WNT3A: variants seen among roughly 807,000 people sequenced by gnomAD.
WNT3A encodes the protein protein Wnt-3a.
A neutral mutation model predicts 37.0 loss-of-function variants in WNT3A; 17 were observed. The observed-to-expected ratio is 0.46, with a 90% CI of 0.31 to 0.69. The LOEUF (loss-of-function observed/expected upper bound fraction) is 0.69, where lower values mean the gene tolerates loss of function less well. Ranked by LOEUF, WNT3A falls within the 30% of genes least tolerant of loss-of-function variation. The pLI, the probability that WNT3A is intolerant of heterozygous loss-of-function variation, is 0.05. For synonymous variants in WNT3A, 187 were observed against 211.0 expected (o/e 0.89, Z 0.99); for missense variants, 411 against 510.2 (o/e 0.81, Z 1.87).
chr1:228,007,007 C>T lies in WNT3A; in HGVS notation c.-122C>T, dbSNP rs1428169394. On this transcript the variant is annotated 5_prime_UTR_variant, in exon 1 of 4. Transcript: ENST00000284523. This position sits in a 1 kb window ranked among gnomAD's most constrained non-coding sequence, Gnocchi z 6.0. ...GCCGCCCTCGGAGCCCGCGCACACC[C>T]GCGCACCCGCGGCCGCAGGAGGGCC... 3 of 433,688 alleles carry T rather than the reference C, an allele frequency of 6.9e-6. No individual in the cohort carries two copies. The highest frequency in any genetic ancestry group is 1.1e-4 in the East Asian group (1 of 9,506). 26.9% of individuals were successfully genotyped at this position (433,688 alleles called of 1,614,324 possible).
rs2031320795 is a variant in WNT3A, at chr1:228,042,906, G to A, written c.314-7750G>A. Among the ~76,000 whole-genome samples the A allele has an allele frequency of 6.6e-6, 1 of 151,528 alleles. No individual in the cohort carries two copies. The highest frequency in any genetic ancestry group is 1.5e-5 in the Non-Finnish European group (1 of 67,868). ...TGGATGGTGGATGATTGTACATGAT[G>A]GATAGTAGATATATGGATGATGGAT... On this transcript the variant is annotated intron_variant, in intron 2 of 3. Coordinates refer to ENST00000284523, the MANE Select transcript of WNT3A (RefSeq NM_033131.4). The surrounding 1 kb of genome is among the most constrained non-coding windows in gnomAD (Gnocchi z 5.2).
intron 2 of WNT3A, 92 bp downstream of exon 2, chr1:228,023,000 G>GTGGGAACAGTGCCTCAGGCGGACGC: frequency 6.6e-7 from 1 of 1,517,312 alleles, no homozygotes; most frequent in South Asian, 1.3e-5. Context: ...TGTGCACACG[G>GTGGGAACAGTGCCTCAGGCGGACGC]TGGGAACAGT....
At chr1:228,047,667 G>A (rs1007800903) in intron 2 of WNT3A, among the ~76,000 whole-genome samples, 11 of 152,118 alleles carry the variant, frequency 7.2e-5, no homozygotes, top group African/African-American at 2.7e-4. Context: ...TGTTTAATTG[G>A]CTCAGGGTTC....
At chr1:228,024,060 G>A (rs943877850) in intron 2 of WNT3A, among the ~76,000 whole-genome samples, 3 of 152,186 alleles carry the variant, frequency 2.0e-5, no homozygotes, top group East Asian at 1.9e-4. Flanking sequence ...TCAGGTTGAC[G>A]CATATGAGCG....
chr1:228,021,717 C>T (rs780491753), intron 1 of WNT3A, among the ~76,000 whole-genome samples: 6 of 152,220 alleles, frequency 3.9e-5, no homozygotes, highest in African/African-American at 7.2e-5. Flanking sequence ...TGCGGGCTGG[C>T]GGGATGGGTC....
At position 228,059,453 on chromosome 1, in the gene WNT3A, C is replaced by T; in HGVS notation, c.1047C>T (p.His349=). The part of the protein sequence containing the change: ...CQECTRVYDV[H]TCK ...AGTGCACGCGCGTCTACGACGTGCA[C>T]ACCTGCAAGTAGGCACCGGCCGCGG... The change falls in exon 4 of 4, where the codon CAC becomes CAT. Residue 349 remains histidine (H), a synonymous_variant. Coordinates refer to ENST00000284523, the MANE Select transcript of WNT3A (RefSeq NM_033131.4). 2 of 1,515,876 alleles carry T rather than the reference C, an allele frequency of 1.3e-6. No individual in the cohort carries two copies. The highest frequency in any genetic ancestry group is 1.8e-6 in the Non-Finnish European group (2 of 1,137,260). The allele number at this position is 1,515,876 out of a possible 1,614,324, so 93.9% of individuals were successfully genotyped here. A position where few individuals can be genotyped will look rare whatever the true frequency, so the allele number is the denominator to read the frequency against.
chr1:228,059,187 A>C lies in WNT3A; in HGVS notation c.781A>C (p.Thr261Pro), dbSNP rs1318316656. 3.1e-6 allele frequency: 5 copies of C among 1,612,562 alleles called. No homozygotes were observed. The Admixed American group carries it at 6.7e-5, about 22-fold the overall frequency. ...GWVETLRPRY[T>P]YFKVPTERDL... ...GGTGGAGACCCTGCGGCCGCGCTAC[A>C]CCTACTTCAAGGTGCCCACGGAGCG... The change falls in exon 4 of 4, where the codon ACC (threonine) becomes CCC (proline). Residue 261 changes from threonine to proline, a missense_variant. Thr to Pro is a conservative substitution (Grantham distance 38, BLOSUM62 -1). Coordinates refer to ENST00000284523, the MANE Select transcript of WNT3A (RefSeq NM_033131.4).
In WNT3A at chr1:228,037,766, C is replaced by G. The variant is rs769103310; in HGVS notation, c.314-12890C>G. Among the ~76,000 whole-genome samples the G allele has an allele frequency of 6.6e-6, 1 of 152,254 alleles. No individual in the cohort carries two copies. The highest frequency in any genetic ancestry group is 2.4e-5 in the African/African-American group (1 of 41,478). ...CCGGCCGACTCCCCGCCGCGTCCGG[C>G]TGGGAGCACAATATCCCAGCGACGG... On this transcript the variant is annotated intron_variant, in intron 2 of 3. Coordinates refer to ENST00000284523, the MANE Select transcript of WNT3A (RefSeq NM_033131.4). This position sits in a 1 kb window ranked among gnomAD's most constrained non-coding sequence, Gnocchi z 4.1.
chr1:228,052,547 G>A (rs2031577287), intron 3 of WNT3A, among the ~76,000 whole-genome samples: 1 of 152,198 alleles, frequency 6.6e-6, no homozygotes, highest in Non-Finnish European at 1.5e-5. Flanking sequence ...ATGGCCAAGG[G>A]AGGAAAGATG....
chr1:228,007,298 C>T lies in WNT3A; in HGVS notation c.71+99C>T, dbSNP rs1178013759. Reference sequence around the variant, plus strand: ...ACCCCGCGGTGGCCCGAGCCCGCGCCCTTCTGCTCCAGCCCCGCGTGCGGG... The same window carrying T: ...ACCCCGCGGTGGCCCGAGCCCGCGCTCTTCTGCTCCAGCCCCGCGTGCGGG... On this transcript the variant is annotated intron_variant, in intron 1 of 3. Transcript: ENST00000284523. This position sits in a 1 kb window ranked among gnomAD's most constrained non-coding sequence, Gnocchi z 6.0. The T allele has an allele frequency of 9.7e-6, 12 of 1,243,154 alleles. No individual in the cohort carries two copies. The highest frequency in any genetic ancestry group is 1.3e-5 in the Non-Finnish European group (12 of 911,406). 77.0% of individuals were successfully genotyped at this position (1,243,154 alleles called of 1,614,324 possible).
At chr1:228,054,729 A>G (rs1264935706) in intron 3 of WNT3A, among the ~76,000 whole-genome samples, 2 of 151,776 alleles carry the variant, frequency 1.3e-5, no homozygotes, top group Admixed American at 1.3e-4. Flanking sequence ...AAAAAAAAAA[A>G]AAAACACAAG....
intron 1 of WNT3A, among the ~76,000 whole-genome samples, chr1:228,022,325 G>C (rs973257663): frequency 6.6e-6 from 1 of 152,046 alleles, no homozygotes; most frequent in Non-Finnish European, 1.5e-5. Context: ...AGCTGGCTCT[G>C]GTGGTGTGTG....
rs1368080625 is a variant in WNT3A at position 228,008,724 on chromosome 1, A to C, written c.71+1525A>C. Among the ~76,000 whole-genome samples the C allele has an allele frequency of 6.6e-6, 1 of 151,514 alleles. No individual in the cohort carries two copies. The highest frequency in any genetic ancestry group is 1.5e-5 in the Non-Finnish European group (1 of 67,856). On this transcript the variant is annotated intron_variant, in intron 1 of 3. Coordinates refer to ENST00000284523, the MANE Select transcript of WNT3A (RefSeq NM_033131.4). The surrounding 1 kb of genome is among the most constrained non-coding windows in gnomAD (Gnocchi z 4.9). The stretch of plus-strand genomic sequence containing the variant: ...CTTACGCACCAGGCTTCTAATTAGA[A>C]CCCGCCGCCGCGTTCCTGAGCGCAA...
rs548438997 is a variant in WNT3A at position 228,015,474 on chromosome 1, G to A, written c.72-7193G>A. On this transcript the variant is annotated intron_variant, in intron 1 of 3. Coordinates refer to ENST00000284523, the MANE Select transcript of WNT3A (RefSeq NM_033131.4). ...CCTGGGACGCTGTGGTGTTGGCAGT[G>A]AGAGGGGAGAGGGAATGAATTCCTC... Among the ~76,000 whole-genome samples the A allele has an allele frequency of 3.9e-5, 6 of 152,374 alleles. No homozygotes were observed. The South Asian group carries it at 6.2e-4, about 16-fold the overall frequency.
intron 2 of WNT3A, among the ~76,000 whole-genome samples, chr1:228,040,692 G>A (rs1173296055): frequency 6.6e-6 from 1 of 151,894 alleles, no homozygotes; most frequent in Non-Finnish European, 1.5e-5. Context: ...GACCATCCTG[G>A]CTAACACGGT....
rs186622594 is a variant in WNT3A at position 228,020,879 on chromosome 1, G to A, written c.72-1788G>A. Among the ~76,000 whole-genome samples the A allele has an allele frequency of 1.8e-4, 27 of 152,262 alleles. No individual in the cohort carries two copies. In the East Asian group the frequency reaches 4.6e-3, roughly 26 times the overall value. On this transcript the variant is annotated intron_variant, in intron 1 of 3. Transcript: ENST00000284523. ...AGGGAGGCCAGATCTCCAGGGGGTAGACATATTGGGGACCCTGAACACTGG... is the reference window on the plus strand; with the variant it reads ...AGGGAGGCCAGATCTCCAGGGGGTAAACATATTGGGGACCCTGAACACTGG...
chr1:228,055,211 T>TAC (rs1209680972), intron 3 of WNT3A, among the ~76,000 whole-genome samples: 1 of 109,296 alleles, frequency 9.1e-6, no homozygotes, highest in Non-Finnish European at 1.8e-5. Context: ...TATATATATA[T>TAC]ATATATATAC....
Position 228,037,325 on chromosome 1 carries a change from C to T in WNT3A, c.314-13331C>T, listed in dbSNP as rs2031167746. Among the ~76,000 whole-genome samples, 1 of 152,196 alleles carries T rather than the reference C, an allele frequency of 6.6e-6. No homozygotes were observed. Among genetic ancestry groups the T allele is most frequent in the South Asian group, 2.1e-4 (1 of 4,832 alleles). Reference sequence around the variant, plus strand: ...GATTCCTGGTTGGTGCCCCAGGACCCCTCCAGCCCCAAAGGGTGGGGAGAG... The same window carrying T: ...GATTCCTGGTTGGTGCCCCAGGACCTCTCCAGCCCCAAAGGGTGGGGAGAG... On this transcript the variant is annotated intron_variant, in intron 2 of 3. Coordinates refer to ENST00000284523, the MANE Select transcript of WNT3A (RefSeq NM_033131.4). This position sits in a 1 kb window ranked among gnomAD's most constrained non-coding sequence, Gnocchi z 4.1.
intron 2 of WNT3A, among the ~76,000 whole-genome samples, chr1:228,029,972 G>A (rs1348898744): frequency 6.6e-6 from 1 of 152,148 alleles, no homozygotes; most frequent in Non-Finnish European, 1.5e-5. Flanking sequence ...CAAGCACAGT[G>A]CCTTGTAGTC....
Sources: allele counts gnomAD v4.1 joint callset (sites outside exome capture counted in the v4.1 genomes callset), GRCh38; gene constraint gnomAD v4.1.1; non-coding constraint Gnocchi (gnomAD v3.1); transcripts MANE v1.5; gene names NCBI Gene and HGNC (gene_info 2026-07-23, HGNC 2026-07-21).